OPHN1: variants seen among roughly 807,000 people sequenced by gnomAD.
OPHN1 encodes oligophrenin-1.
OPHN1 carries 11 observed loss-of-function variants against 60.7 expected under a neutral mutation model. The ratio of observed to expected loss-of-function variants is 0.18; its 90% CI spans 0.11 to 0.30. The LOEUF is 0.30. Among genes scored for constraint, OPHN1 ranks in the 10% least tolerant of loss-of-function variants. The probability of loss-of-function intolerance (pLI) is 1.00; values close to 1 mark genes in which losing one functional copy is unlikely to be tolerated. For synonymous variants in OPHN1, 226 were observed against 222.6 expected (o/e 1.02, Z -0.14); for missense variants, 449 against 611.0 (o/e 0.73, Z 2.80).
chrX:68,257,091 T>C (rs1339363493), intron 5 of OPHN1, among the ~76,000 whole-genome samples: 9 of 111,187 alleles, frequency 8.1e-5, no homozygotes, highest in African/African-American at 2.9e-4. Context: ...GAACCTTTAA[T>C]AGACTACAGT....
chrX:68,054,344 T>A (rs1846475450), intron 21 of OPHN1, among the ~76,000 whole-genome samples: 1 of 111,213 alleles, frequency 9.0e-6, no homozygotes, highest in African/African-American at 3.3e-5. Context: ...ATAAACACTT[T>A]TTAAATAAGA....
chrX:68,375,414 G>C (rs2078551774), intron 2 of OPHN1, among the ~76,000 whole-genome samples: 1 of 111,766 alleles, frequency 8.9e-6, no homozygotes, highest in African/African-American at 3.3e-5. Flanking sequence ...AGAGGATTCA[G>C]AACAGGGATC....
chrX:68,057,557 T>C (rs747700077), intron 21 of OPHN1, among the ~76,000 whole-genome samples: 1 of 112,080 alleles, frequency 8.9e-6, no homozygotes, highest in African/African-American at 3.2e-5. Flanking sequence ...ACCCTATTCA[T>C]TCCCAAGTTA....
intron 2 of OPHN1, among the ~76,000 whole-genome samples, chrX:68,406,824 G>C (rs867269139): frequency 1.8e-5 from 2 of 112,379 alleles, no homozygotes; most frequent in Non-Finnish European, 3.7e-5. Flanking sequence ...CAGTGAATCT[G>C]ACTGAAGGAT....
At chrX:68,386,098 C>A (rs903018051) in intron 2 of OPHN1, among the ~76,000 whole-genome samples, 1 of 112,019 alleles carries the variant, frequency 8.9e-6, no homozygotes, top group African/African-American at 3.2e-5. Context: ...AAACAATGAA[C>A]CCTTTCTTTC....
At chrX:68,219,282 A>T (rs1373539799) in intron 6 of OPHN1, among the ~76,000 whole-genome samples, 1 of 80,974 alleles carries the variant, frequency 1.2e-5, no homozygotes, top group Non-Finnish European at 2.4e-5. Context: ...TCATAAAGCA[A>T]GTCCTGAGTG....
At chrX:68,417,406 C>T (rs766848035) in intron 2 of OPHN1, among the ~76,000 whole-genome samples, 11 of 112,139 alleles carry the variant, frequency 9.8e-5, no homozygotes, top group Non-Finnish European at 1.7e-4. Context: ...GTGACTATTC[C>T]TTATCCCCTC....
intron 2 of OPHN1, among the ~76,000 whole-genome samples, chrX:68,387,200 TTCTCTC>T (rs61349611): frequency 4.0e-5 from 4 of 100,121 alleles, no homozygotes; most frequent in Non-Finnish European, 6.0e-5. Context: ...TTCTTTCTGT[TTCTCTC>T]TCTCTCTCTC....
At position 68,111,911 on chromosome X, in the gene OPHN1, T is replaced by C; in HGVS notation, c.1469A>G (p.Tyr490Cys). 1 of 1,207,927 alleles carries C rather than the reference T, an allele frequency of 8.3e-7. No individual in the cohort carries two copies. Among genetic ancestry groups the C allele is most frequent in the Non-Finnish European group, 1.1e-6 (1 of 892,057 alleles). ...YRLGAIHSLVYKLPEKNREML... is the reference protein window; with the variant it reads ...YRLGAIHSLVCKLPEKNREML... ...CTCTCGGTTCTTTTCTGGTAGCTTA[T>C]ATACCAGGGAGTGAATAGCTCCTAG... The change falls in exon 18 of 25, where the codon TAT becomes TGT. Residue 490 changes from tyrosine to cysteine, a missense_variant. Tyr to Cys is a radical substitution (Grantham distance 194). This residue lies in a region of OPHN1 where 166 missense variants were observed against 278.4 expected (regional missense o/e 0.60). Coordinates refer to ENST00000355520, the MANE Select transcript of OPHN1 (RefSeq NM_002547.3).
chrX:68,097,605 C>T (rs1446351968), intron 18 of OPHN1, among the ~76,000 whole-genome samples: 4 of 111,698 alleles, frequency 3.6e-5, no homozygotes, highest in Admixed American at 9.5e-5. Context: ...TAGAGTAGAA[C>T]GTGCAATCCC....
intron 2 of OPHN1, among the ~76,000 whole-genome samples, chrX:68,356,807 G>C (rs1847877178): frequency 9.0e-6 from 1 of 111,306 alleles, no homozygotes; most frequent in Non-Finnish European, 1.9e-5. Flanking sequence ...TCCAAATGCA[G>C]AGATTTTTTA....
chrX:68,094,421 A>G (rs1406733297), intron 19 of OPHN1, among the ~76,000 whole-genome samples: 1 of 111,600 alleles, frequency 9.0e-6, no homozygotes, highest in Non-Finnish European at 1.9e-5. Flanking sequence ...CCATTTCTAC[A>G]TATATGTTAG....
At chrX:68,135,125 G>A (rs2077213920) in intron 15 of OPHN1, among the ~76,000 whole-genome samples, 1 of 111,409 alleles carries the variant, frequency 9.0e-6, no homozygotes, top group African/African-American at 3.3e-5. Context: ...GTAATACTCA[G>A]AGACAGTTGT....
At chrX:68,433,768 A>T (rs2078898254), upstream of OPHN1, 1 of 296,990 alleles carries the variant, frequency 3.4e-6, no homozygotes, top group South Asian at 2.0e-4. Context: ...CTCCATAGAC[A>T]CTGCAGCGGG....
chrX:68,199,824 G>A (rs1284502358), intron 11 of OPHN1, among the ~76,000 whole-genome samples: 1 of 112,864 alleles, frequency 8.9e-6, no homozygotes, highest in Non-Finnish European at 1.9e-5. Flanking sequence ...ACTCTGGGAG[G>A]CCGAGGCAGG....
rs1569278162 is a variant in OPHN1 at position 68,317,381 on chromosome X, AAGGAAGGAAGG to A, written c.155-18296_155-18286del. On this transcript the variant is annotated intron_variant, in intron 2 of 24. Transcript: ENST00000355520. ...AAAGAAAGAAAGAAAGAAAGAAAGG[AAGGAAGGAAGG>A]AAGGAAGGAAGGAAGGAAGGAAGGA... Among the ~76,000 whole-genome samples, 337 of 77,042 alleles carry A rather than the reference AAGGAAGGAAGG, an allele frequency of 4.4e-3. 3 individuals are homozygous for A. Among genetic ancestry groups the A allele is most frequent in the Non-Finnish European group, 7.4e-3 (295 of 40,070 alleles). 66.9% of individuals were successfully genotyped at this position (77,042 alleles called of 115,157 possible).
chrX:68,255,400 G>C (rs2077857416), intron 5 of OPHN1, among the ~76,000 whole-genome samples: 1 of 112,638 alleles, frequency 8.9e-6, no homozygotes, highest in Non-Finnish European at 1.9e-5. Context: ...TTAACTTTAT[G>C]TGTCATTGTG....
At chrX:68,264,871 G>A (rs770905962) in intron 5 of OPHN1, among the ~76,000 whole-genome samples, 2 of 112,730 alleles carry the variant, frequency 1.8e-5, no homozygotes, top group South Asian at 7.4e-4. Flanking sequence ...CGACACACCA[G>A]GAGATTATAT....
At chrX:68,134,171 T>A (rs1416600008) in intron 15 of OPHN1, among the ~76,000 whole-genome samples, 3 of 109,676 alleles carry the variant, frequency 2.7e-5, no homozygotes, top group Non-Finnish European at 5.7e-5. Context: ...TGAGACTCTG[T>A]CTCAAAGAAT....
Sources: gnomAD v4.1 joint callset for allele counts (sites outside exome capture counted in the v4.1 genomes callset) on GRCh38, gnomAD v4.1.1 for gene constraint, gnomAD v4.1.1 regional missense constraint, MANE v1.5 for transcripts, NCBI Gene and HGNC (gene_info 2026-07-23, HGNC 2026-07-21) for gene names.